USP26: variants seen among roughly 807,000 people sequenced by gnomAD.
USP26 encodes ubiquitin specific peptidase 26, also known as ubiquitin carboxyl-terminal hydrolase 26.
For synonymous variants in USP26, 236 were observed against 240.6 expected, an observed-to-expected ratio of 0.98 and a Z score of 0.18; for missense variants, 649 against 642.3, an observed-to-expected ratio of 1.01 and a Z score of -0.11.
At chrX:133,081,465 T>C (rs1422842798) in intron 5 of USP26, among the ~76,000 whole-genome samples, 2 of 110,097 alleles carry the variant, frequency 1.8e-5, no homozygotes, top group Non-Finnish European at 3.8e-5. Context: ...CCTGGCTAAG[T>C]TTGTATTTTT....
At chrX:133,036,425 G>A (rs747028982) in intron 5 of USP26, among the ~76,000 whole-genome samples, 3 of 110,774 alleles carry the variant, frequency 2.7e-5, no homozygotes, top group South Asian at 3.9e-4. Context: ...GAGAACATGC[G>A]GTGTTTGGTT....
intron 4 of USP26, among the ~76,000 whole-genome samples, chrX:133,088,401 T>C (rs2067596658): frequency 9.0e-6 from 1 of 111,405 alleles, no homozygotes; most frequent in African/African-American, 3.3e-5. Flanking sequence ...CAGTTTACAA[T>C]AGGGTTCATG....
Position 133,027,122 on chromosome X carries a change from C to G in USP26, c.1099G>C (p.Ala367Pro). The change falls in exon 6 of 6, where the codon GCC (alanine) becomes CCC (proline). Residue 367 changes from alanine (A) to proline (P), a missense_variant. Transcript: ENST00000511190. ...AATATCTCTGCAGCTGCTGAAATGG[C>G]CTTTTTAAGATTCAAGAGTAACATC... ...KEMLLLNLKKAISAAAEIFHG... is the reference protein window; with the variant it reads ...KEMLLLNLKKPISAAAEIFHG... The G allele has an allele frequency of 8.3e-7, 1 of 1,210,619 alleles. No individual in the cohort carries two copies. Among genetic ancestry groups the G allele is most frequent in the Non-Finnish European group, 1.1e-6 (1 of 894,779 alleles).
At chrX:133,060,058 G>T (rs780294188) in intron 5 of USP26, among the ~76,000 whole-genome samples, 2 of 111,863 alleles carry the variant, frequency 1.8e-5, no homozygotes, top group Non-Finnish European at 3.8e-5. Context: ...CCAAGTCCAA[G>T]ATGCTAAATG....
chrX:133,062,563 A>G (rs1288868825), intron 5 of USP26, among the ~76,000 whole-genome samples: 2 of 111,982 alleles, frequency 1.8e-5, no homozygotes, highest in Non-Finnish European at 3.8e-5. Flanking sequence ...CAGAGGAAGG[A>G]GCAGGCAGCA....
At chrX:133,096,047 A>ATTTTTTTTT (rs779131148) in intron 1 of USP26, among the ~76,000 whole-genome samples, 18 of 36,548 alleles carry the variant, frequency 4.9e-4, no homozygotes, top group African/African-American at 1.1e-3. Context: ...GCCCGGCCTA[A>ATTTTTTTTT]TTTTTTTTTT....
At chrX:133,076,343 CATAATCTTATGCAATCTTATG>C (rs2067548455) in intron 5 of USP26, among the ~76,000 whole-genome samples, 2 of 110,968 alleles carry the variant, frequency 1.8e-5, no homozygotes, top group Non-Finnish European at 3.8e-5. Context: ...CATAAGATTG[CATAATCTTATGCAATCTTATG>C]ATACTCAGGG....
chrX:133,077,116 A>G (rs1463945679), intron 5 of USP26, among the ~76,000 whole-genome samples: 1 of 112,014 alleles, frequency 8.9e-6, no homozygotes, highest in Non-Finnish European at 1.9e-5. Context: ...TAGGTTATCA[A>G]GAAGCCATAA....
At chrX:133,079,161 C>T (rs931332836) in intron 5 of USP26, among the ~76,000 whole-genome samples, 19 of 111,729 alleles carry the variant, frequency 1.7e-4, no homozygotes, top group Non-Finnish European at 3.2e-4. Flanking sequence ...TCCAAAACCT[C>T]ATAAATATCC....
At chrX:133,065,090 T>TATAA (rs2067506687) in intron 5 of USP26, among the ~76,000 whole-genome samples, 1 of 111,839 alleles carries the variant, frequency 8.9e-6, no homozygotes, top group Admixed American at 9.5e-5. Context: ...CAGAGAATAC[T>TATAA]ATAAACACCT....
rs12688489 is a variant in USP26, at chrX:133,023,222, T to C, written c.*2257A>G. ...CATGTAGATACTATACAAGCATTCA[T>C]AGTGCATTCAGAATTTCTTCTCACA... On this transcript the variant is annotated 3_prime_UTR_variant, in exon 6 of 6. Coordinates refer to ENST00000511190, the MANE Select transcript of USP26 (RefSeq NM_031907.3). Among the ~76,000 whole-genome samples the C allele has an allele frequency of 9.6e-3, 1,075 of 111,699 alleles. 23 individuals carry two copies. In the East Asian group the frequency reaches 0.1, roughly 10 times the overall value.
At chrX:133,028,778 A>G (rs1312920959) in intron 5 of USP26, among the ~76,000 whole-genome samples, 1 of 111,990 alleles carries the variant, frequency 8.9e-6, no homozygotes, top group African/African-American at 3.2e-5. Flanking sequence ...TGAAGGCACT[A>G]TGTGGCCCTC....
chrX:133,052,076 A>C (rs900466418), intron 5 of USP26, among the ~76,000 whole-genome samples: 4 of 112,219 alleles, frequency 3.6e-5, no homozygotes, highest in Admixed American at 1.9e-4. Flanking sequence ...ATAGAGATCA[A>C]ACTGTAGAAA....
chrX:133,071,325 A>G (rs946195369), intron 5 of USP26, among the ~76,000 whole-genome samples: 8 of 111,566 alleles, frequency 7.2e-5, no homozygotes, highest in African/African-American at 2.6e-4. Context: ...AAATGCAGAC[A>G]TAAGCAGCCT....
In USP26 at chrX:133,026,479, G is replaced by A. The variant is rs777855366; in HGVS notation, c.1742C>T (p.Ser581Phe). ...AGGCCATGATACACTGATGTTTCCA[G>A]AAGTCATCTTTCGAATAACTTTTAA... ...QLLKVIRKMT[S>F]GNISVSWPAT... Residue 581 changes from serine (S) to phenylalanine (F), a missense_variant, in exon 6 of 6, where the codon TCT becomes TTT. By Grantham distance (155) the Ser-to-Phe change is radical. Transcript: ENST00000511190. 5 of 1,204,521 alleles carry A rather than the reference G, an allele frequency of 4.2e-6. No homozygotes were observed. Among genetic ancestry groups the A allele is most frequent in the Non-Finnish European group, 5.6e-6 (5 of 893,770 alleles).
rs769111104 is a variant in USP26 at position 133,027,236 on chromosome X, G to A, written c.985C>T (p.Pro329Ser). ...FADDLLNQSF[P>S]WGKIPLNALT... ...GCATTAAGGGGAATTTTACCCCATGGGAAACTCTGATTAAGTAAATCATCA... is the reference window on the plus strand; with the variant it reads ...GCATTAAGGGGAATTTTACCCCATGAGAAACTCTGATTAAGTAAATCATCA... Residue 329 changes from proline to serine, a missense_variant, in exon 6 of 6, where the codon CCA becomes TCA. Coordinates refer to ENST00000511190, the MANE Select transcript of USP26 (RefSeq NM_031907.3). 8.3e-7 allele frequency: 1 copy of A among 1,210,594 alleles called. No homozygotes were observed. Among genetic ancestry groups the A allele is most frequent in the East Asian group, 3.0e-5 (1 of 33,812 alleles).
chrX:133,049,249 C>CA (rs899829934), intron 5 of USP26, among the ~76,000 whole-genome samples: 8 of 111,255 alleles, frequency 7.2e-5, no homozygotes, highest in African/African-American at 2.3e-4. Context: ...ACTTGGGTCA[C>CA]AAAAAAAACT....
chrX:133,047,706 C>T (rs776426336), intron 5 of USP26, among the ~76,000 whole-genome samples: 10 of 111,117 alleles, frequency 9.0e-5, no homozygotes, highest in Non-Finnish European at 1.7e-4. Flanking sequence ...AGGGCAGAGG[C>T]CTTATGACTG....
At chrX:133,031,241 G>A (rs1211828904) in intron 5 of USP26, among the ~76,000 whole-genome samples, 2 of 111,972 alleles carry the variant, frequency 1.8e-5, no homozygotes, top group Non-Finnish European at 3.8e-5. Flanking sequence ...GTGGAAAGAC[G>A]GAGCCAGGTA....
Sources: gnomAD v4.1 joint callset for allele counts (sites outside exome capture counted in the v4.1 genomes callset) on GRCh38, gnomAD v4.1.1 for gene constraint, MANE v1.5 for transcripts, NCBI Gene and HGNC (gene_info 2026-07-23, HGNC 2026-07-21) for gene names.